The following PTPRO variants were observed in gnomAD, a reference collection of about 807,000 sequenced individuals.
PTPRO encodes the protein protein tyrosine phosphatase receptor type O.
PTPRO carries 62 observed loss-of-function variants against 145.2 expected under a neutral mutation model. The ratio of observed to expected loss-of-function variants is 0.43; its 90% confidence interval spans 0.35 to 0.53. PTPRO has a LOEUF of 0.53. PTPRO is among the 20% of genes least tolerant of loss of function. PTPRO has a pLI of 0.01. For missense variants in PTPRO, 1,345 were observed against 1,482.7 expected, an observed-to-expected ratio of 0.91 and a Z score of 1.53; for synonymous variants, 565 against 514.7, an observed-to-expected ratio of 1.10 and a Z score of -1.32.
In PTPRO at chr12:15,502,083, G is replaced by C. The variant is rs1942233445; in HGVS notation, c.1105+20G>C. On this transcript the variant is annotated intron_variant, in intron 5 of 26. Coordinates refer to ENST00000281171, the MANE Select transcript of PTPRO (RefSeq NM_030667.3). ...GAGAAGGTAAAGCAGTAGGAAATCA[G>C]AGGAAATAAGAACTGATACAAAGGA... The C allele has an allele frequency of 1.1e-5, 17 of 1,579,680 alleles. No homozygotes were observed. The highest frequency in any genetic ancestry group is 2.2e-5 in the East Asian group (1 of 44,694).
At chr12:15,464,464 C>T (rs1194556947) in intron 1 of PTPRO, among the ~76,000 whole-genome samples, 1 of 151,944 alleles carries the variant, frequency 6.6e-6, no homozygotes, top group Non-Finnish European at 1.5e-5. Flanking sequence ...AAGGGATTCT[C>T]CTGCCTCAGC....
intron 4 of PTPRO, among the ~76,000 whole-genome samples, chr12:15,501,247 G>T (rs1037156868): frequency 5.4e-5 from 8 of 148,550 alleles, no homozygotes; most frequent in East Asian, 4.0e-4. Context: ...TTTTGTTTTG[G>T]TTTTTTTGTA....
intron 10 of PTPRO, among the ~76,000 whole-genome samples, chr12:15,522,044 G>T (rs1002368439): frequency 6.6e-6 from 1 of 152,106 alleles, no homozygotes. Flanking sequence ...TACAGGTATT[G>T]TCTCAGCATA....
At chr12:15,349,476 A>G (rs1937719331) in intron 1 of PTPRO, among the ~76,000 whole-genome samples, 1 of 152,240 alleles carries the variant, frequency 6.6e-6, no homozygotes, top group Non-Finnish European at 1.5e-5. Flanking sequence ...GACTACTACC[A>G]TAGGCTGAGT....
At chr12:15,489,879 AAG>A in intron 2 of PTPRO, among the ~76,000 whole-genome samples, 1 of 152,188 alleles carries the variant, frequency 6.6e-6, no homozygotes. Flanking sequence ...AATTTGCCAC[AAG>A]AATGAAGAAA....
At position 15,581,863 on chromosome 12, in the gene PTPRO, G is replaced by T. The variant is rs551763293; in HGVS notation, c.3255+62G>T. On this transcript the variant is annotated intron_variant, in intron 23 of 26. Coordinates refer to ENST00000281171, the MANE Select transcript of PTPRO (RefSeq NM_030667.3). ...GCTGACACCTGCTGAGACCAGTTTG[G>T]TCGGGGAGACCCTAACCCAGCGGCG... is the stretch of plus-strand genomic sequence containing the variant. 83 of 1,609,674 alleles carry T rather than the reference G, an allele frequency of 5.2e-5. No homozygotes were observed. In the South Asian group the frequency reaches 8.4e-4, roughly 16 times the overall value.
intron 1 of PTPRO, among the ~76,000 whole-genome samples, chr12:15,421,851 A>G (rs1940156080): frequency 6.6e-6 from 1 of 152,180 alleles, no homozygotes; most frequent in Admixed American, 6.6e-5. Context: ...ATCTTGGGCA[A>G]GTTACTTGCT....
intron 1 of PTPRO, among the ~76,000 whole-genome samples, chr12:15,442,484 A>T (rs1008263071): frequency 6.6e-6 from 1 of 152,164 alleles, no homozygotes; most frequent in Admixed American, 6.5e-5. Context: ...TAGTACTGGA[A>T]TTGGTAGCCA....
chr12:15,453,170 T>C (rs1410558044), intron 1 of PTPRO, among the ~76,000 whole-genome samples: 1 of 152,130 alleles, frequency 6.6e-6, no homozygotes, highest in Non-Finnish European at 1.5e-5. Context: ...TTTGTATTTG[T>C]AGTAGAGATG....
At chr12:15,588,654 C>A (rs1263851262) in intron 24 of PTPRO, among the ~76,000 whole-genome samples, 2 of 152,262 alleles carry the variant, frequency 1.3e-5, no homozygotes, top group East Asian at 3.9e-4. Context: ...GGGTGGTGAA[C>A]TGAACTTAGG....
intron 1 of PTPRO, among the ~76,000 whole-genome samples, chr12:15,345,021 CTT>C (rs1867150456): frequency 6.6e-6 from 1 of 152,206 alleles, no homozygotes; most frequent in Admixed American, 6.5e-5. Context: ...TCTACAATCT[CTT>C]TTCTTATTCT....
intron 17 of PTPRO, among the ~76,000 whole-genome samples, chr12:15,562,315 A>T (rs574206971): frequency 6.6e-6 from 1 of 152,090 alleles, no homozygotes; most frequent in Non-Finnish European, 1.5e-5. Context: ...CCCTGCTTTC[A>T]TTGGCTAAAG....
At chr12:15,584,230 A>T (rs550047816) in intron 23 of PTPRO, among the ~76,000 whole-genome samples, 1 of 152,266 alleles carries the variant, frequency 6.6e-6, no homozygotes, top group Non-Finnish European at 1.5e-5. Context: ...GAGTTATTTC[A>T]AAAATAATAA....
chr12:15,593,505 A>T (rs1476770615), intron 25 of PTPRO, among the ~76,000 whole-genome samples: 1 of 152,196 alleles, frequency 6.6e-6, no homozygotes, highest in Non-Finnish European at 1.5e-5. Context: ...TATTATATGT[A>T]TGTATATATG....
rs10846212 is a variant in PTPRO at position 15,569,621 on chromosome 12, A to G, written c.2829+123A>G. On this transcript the variant is annotated intron_variant, in intron 19 of 26. Transcript: ENST00000281171. Reference sequence around the variant, plus strand: ...TAACAAAAAGGGTATTGGCCTGGGGATTGCTGATCTGCTGGTTTAGAGCAA... The same window carrying G: ...TAACAAAAAGGGTATTGGCCTGGGGGTTGCTGATCTGCTGGTTTAGAGCAA... The G allele has an allele frequency of 0.36, 301,414 of 834,840 alleles. 56,049 individuals carry two copies. Among genetic ancestry groups the G allele is most frequent in the Middle Eastern group, 0.49 (2,114 of 4,352 alleles). The allele number at this position is 834,840 out of a possible 1,614,324, so 51.7% of individuals were successfully genotyped here.
chr12:15,439,416 C>T (rs1234350122), intron 1 of PTPRO: 1 of 170,304 alleles, frequency 5.9e-6, no homozygotes, highest in African/African-American at 2.4e-5. Flanking sequence ...CAAAGCCTCA[C>T]TTATCAATAT....
Position 15,433,947 on chromosome 12 carries a change from A to G in PTPRO, c.76-50027A>G, listed in dbSNP as rs543946369. Among the ~76,000 whole-genome samples the G allele has an allele frequency of 2.6e-5, 4 of 152,308 alleles. No homozygotes were observed. The South Asian group carries it at 8.3e-4, about 32-fold the overall frequency. On this transcript the variant is annotated intron_variant, in intron 1 of 26. Coordinates refer to ENST00000281171, the MANE Select transcript of PTPRO (RefSeq NM_030667.3). ...TTGTTTGTTCATTTGTTTTTGAAACAGAATGTTGGTCTGTGCCTTAAGTTT... is the reference window on the plus strand; with the variant it reads ...TTGTTTGTTCATTTGTTTTTGAAACGGAATGTTGGTCTGTGCCTTAAGTTT...
At chr12:15,571,188 G>T (rs1467450856) in intron 19 of PTPRO, among the ~76,000 whole-genome samples, 1 of 152,138 alleles carries the variant, frequency 6.6e-6, no homozygotes, top group Non-Finnish European at 1.5e-5. Context: ...GTTTCACTTT[G>T]TTTCACTGAA....
In PTPRO at chr12:15,504,783, C is replaced by T. The variant is rs138728989; in HGVS notation, c.1267+714C>T. On this transcript the variant is annotated intron_variant, in intron 6 of 26. Coordinates refer to ENST00000281171, the MANE Select transcript of PTPRO (RefSeq NM_030667.3). Reference sequence around the variant, plus strand: ...ACCAGAAGGCAAAGAATAAAAATTGCTTTCAGAAAAGGATAACCACCACAT... The same window carrying T: ...ACCAGAAGGCAAAGAATAAAAATTGTTTTCAGAAAAGGATAACCACCACAT... Among the ~76,000 whole-genome samples the T allele has an allele frequency of 1.7e-3, 261 of 152,306 alleles. 3 individuals carry two copies. The highest frequency in any genetic ancestry group is 5.1e-3 in the Admixed American group (78 of 15,284).
Sources: gnomAD v4.1 joint callset for allele counts (sites outside exome capture counted in the v4.1 genomes callset) on GRCh38, gnomAD v4.1.1 for gene constraint, MANE v1.5 for transcripts, NCBI Gene and HGNC (gene_info 2026-07-23, HGNC 2026-07-21) for gene names.